Variants in PCDHGA9 observed in about 807,000 individuals in gnomAD.
The protein encoded by PCDHGA9 is protocadherin gamma subfamily A, 9, also known as protocadherin gamma-A9.
A neutral mutation model predicts 62.5 loss-of-function variants in PCDHGA9; 37 were observed. The observed-to-expected ratio is 0.59, with a 90% CI of 0.46 to 0.78. The LOEUF (loss-of-function observed/expected upper bound fraction) is 0.78, where lower values mean the gene tolerates loss of function less well. Ranked by LOEUF, PCDHGA9 falls within the 30% of genes least tolerant of loss-of-function variation. The pLI is 0.00. For missense variants in PCDHGA9, 1,138 were observed against 1,166.2 expected, an observed-to-expected ratio of 0.98 and a Z score of 0.35; for synonymous variants, 459 against 484.6, an observed-to-expected ratio of 0.95 and a Z score of 0.69.
Position 141,404,560 on chromosome 5 carries a change from C to G in PCDHGA9, c.1608C>G (p.Asp536Glu). 6.2e-7 allele frequency: 1 copy of G among 1,613,578 alleles called. No homozygotes were observed. Among genetic ancestry groups the G allele is most frequent in the South Asian group, 1.1e-5 (1 of 91,068 alleles). ...RDLQMQVTAS[D>E]SGSPPLSSNV... is the part of the protein sequence containing the mutation. ...TGCAAATGCAGGTGACGGCAAGTGA[C>G]AGTGGAAGCCCACCACTTAGCAGCA... Residue 536 changes from aspartate (D) to glutamate (E), a missense_variant, in exon 1 of 4, where the codon GAC becomes GAG. By Grantham distance (45) the Asp-to-Glu change is conservative (BLOSUM62 2). Coordinates refer to ENST00000573521, the MANE Select transcript of PCDHGA9 (RefSeq NM_018921.3).
chr5:141,440,330 G>A (rs1377511406), intron 1 of PCDHGA9: 1 of 152,162 alleles, frequency 6.6e-6, no homozygotes, highest in Non-Finnish European at 1.5e-5. Context: ...ACTGGGCATG[G>A]TGGTGCAGGC....
At chr5:141,422,865 C>A in intron 1 of PCDHGA9, 6 of 1,614,244 alleles carry the variant, frequency 3.7e-6, no homozygotes, top group Non-Finnish European at 5.1e-6. Flanking sequence ...TCAGCAGCAA[C>A]GTGTCGCTGA....
Position 141,485,220 on chromosome 5 carries a change from C to T in PCDHGA9, c.2425-9587C>T. The T allele has an allele frequency of 6.2e-7, 1 of 1,614,192 alleles. No homozygotes were observed. The highest frequency in any genetic ancestry group is 8.5e-7 in the Non-Finnish European group (1 of 1,180,024). On this transcript the variant is annotated intron_variant, in intron 1 of 3. Transcript: ENST00000573521. This position sits in a 1 kb window ranked among gnomAD's most constrained non-coding sequence, Gnocchi z 5.7. ...TGGACAGAAATCTGGCGGTGGGCTA[C>T]CCTTTTGTTCCTCTTTTACCACCTG... is the stretch of plus-strand genomic sequence containing the variant.
In PCDHGA9 at chr5:141,414,051, A is replaced by G. The variant is rs747091153; in HGVS notation, c.2424+8675A>G. ...CATTCCGAAAATTACCTGACACGCA[A>G]TTGTTGAAGTTCCAACTAAACAAAT... On this transcript the variant is annotated intron_variant, in intron 1 of 3. Coordinates refer to ENST00000573521, the MANE Select transcript of PCDHGA9 (RefSeq NM_018921.3). 5.0e-6 allele frequency: 8 copies of G among 1,610,748 alleles called. No individual in the cohort carries two copies. The Admixed American group carries it at 8.4e-5, about 17-fold the overall frequency.
At position 141,418,416 on chromosome 5, in the gene PCDHGA9, C is replaced by A. The variant is rs377542164; in HGVS notation, c.2424+13040C>A. On this transcript the variant is annotated intron_variant, in intron 1 of 3. Transcript: ENST00000573521. ...TTCTCATTGGTGGAGAAAGACAATC[C>A]TGATGGTGGCAAATATCCAGAATTA... The A allele has an allele frequency of 3.7e-6, 6 of 1,613,866 alleles. No individual in the cohort carries two copies. The African/African-American group carries it at 8.0e-5, about 22-fold the overall frequency.
chr5:141,420,042 A>T, intron 1 of PCDHGA9: 2 of 1,614,048 alleles, frequency 1.2e-6, no homozygotes, highest in Non-Finnish European at 8.5e-7. Context: ...GACTGCTTTG[A>T]GTCAGTTCTC....
chr5:141,475,821 G>T, intron 1 of PCDHGA9: 1 of 352,534 alleles, frequency 2.8e-6, no homozygotes, highest in Non-Finnish European at 5.1e-6. Context: ...AGTTCCTGGC[G>T]CTAGCGCGTG....
chr5:141,419,006 A>G (rs2096312225), intron 1 of PCDHGA9: 1 of 1,614,006 alleles, frequency 6.2e-7, no homozygotes. Context: ...TGGGGAAGTC[A>G]GGTGTAGCTT....
In PCDHGA9 at chr5:141,477,928, C is replaced by T; in HGVS notation, c.2425-16879C>T. On this transcript the variant is annotated intron_variant, in intron 1 of 3. Coordinates refer to ENST00000573521, the MANE Select transcript of PCDHGA9 (RefSeq NM_018921.3). This position sits in a 1 kb window ranked among gnomAD's most constrained non-coding sequence, Gnocchi z 4.9. ...GGGACGCGGATGCAGGGCACAATGC[C>T]TGGCTCTCCTACAGTCTCTTGGGAT... The T allele has an allele frequency of 6.2e-7, 1 of 1,614,186 alleles. No individual in the cohort carries two copies.
intron 1 of PCDHGA9, among the ~76,000 whole-genome samples, chr5:141,480,976 T>G (rs1485868136): frequency 6.6e-6 from 1 of 152,108 alleles, no homozygotes; most frequent in Non-Finnish European, 1.5e-5. Context: ...GGAGAATCAG[T>G]GAACCCAGGA....
chr5:141,445,623 A>G (rs2098472971), intron 1 of PCDHGA9, among the ~76,000 whole-genome samples: 1 of 152,172 alleles, frequency 6.6e-6, no homozygotes, highest in South Asian at 2.1e-4. Flanking sequence ...TTTTTTTCGG[A>G]AAGTGATATT....
rs1178101439 is a variant in PCDHGA9, at chr5:141,443,790, T to C, written c.2424+38414T>C. On this transcript the variant is annotated intron_variant, in intron 1 of 3. Coordinates refer to ENST00000573521, the MANE Select transcript of PCDHGA9 (RefSeq NM_018921.3). Reference sequence around the variant, plus strand: ...AATATTACCAAAAAGACAAAAAAAATGAAAAGGAAACAGTTACCTTTGGAA... The same window carrying C: ...AATATTACCAAAAAGACAAAAAAAACGAAAAGGAAACAGTTACCTTTGGAA... Among the ~76,000 whole-genome samples, 6 of 151,950 alleles carry C rather than the reference T, an allele frequency of 3.9e-5. No homozygotes were observed. The East Asian group carries it at 1.2e-3, about 29-fold the overall frequency.
chr5:141,477,582 A>G lies in PCDHGA9; in HGVS notation c.2425-17225A>G. On this transcript the variant is annotated intron_variant, in intron 1 of 3. Transcript: ENST00000573521. This position sits in a 1 kb window ranked among gnomAD's most constrained non-coding sequence, Gnocchi z 4.9. Reference sequence around the variant, plus strand: ...GTCTGGGACCCCGACGCCCCGCAGAATGCTCGGCTTTCTTTCTTTCTCTTG... The same window carrying G: ...GTCTGGGACCCCGACGCCCCGCAGAGTGCTCGGCTTTCTTTCTTTCTCTTG... The G allele has an allele frequency of 6.2e-7, 1 of 1,614,190 alleles. No homozygotes were observed.
At chr5:141,444,752 T>C (rs1376810825) in intron 1 of PCDHGA9, among the ~76,000 whole-genome samples, 2 of 152,228 alleles carry the variant, frequency 1.3e-5, no homozygotes, top group Non-Finnish European at 2.9e-5. Context: ...CTGATATATG[T>C]AGTTCTATTT....
At chr5:141,481,943 G>C (rs1454871018) in intron 1 of PCDHGA9, among the ~76,000 whole-genome samples, 1 of 148,544 alleles carries the variant, frequency 6.7e-6, no homozygotes, top group South Asian at 2.1e-4. Context: ...AAATCAGCCA[G>C]ATGTGGTGGC....
chr5:141,499,689 CTTTTTTTT>C (rs545067566), intron 2 of PCDHGA9, among the ~76,000 whole-genome samples: 2 of 119,856 alleles, frequency 1.7e-5, no homozygotes, highest in Non-Finnish European at 3.5e-5. Flanking sequence ...TAACAGATGA[CTTTTTTTT>C]TTTTTTTTTT....
rs9324852 is a variant in PCDHGA9, at chr5:141,510,333, C to T, written c.2573-614C>T. On this transcript the variant is annotated intron_variant, in intron 3 of 3. Coordinates refer to ENST00000573521, the MANE Select transcript of PCDHGA9 (RefSeq NM_018921.3). ...AGGCTTGGAAGAGCACTCTTCACCC[C>T]CACCCCACACACTTACTAACGGAAC... Among the ~76,000 whole-genome samples the T allele has an allele frequency of 2.4e-3, 367 of 151,698 alleles. 1 individual carries two copies. Among genetic ancestry groups the T allele is most frequent in the African/African-American group, 8.4e-3 (348 of 41,384 alleles).
At chr5:141,458,413 G>A (rs138479316) in intron 1 of PCDHGA9, among the ~76,000 whole-genome samples, 1 of 152,196 alleles carries the variant, frequency 6.6e-6, no homozygotes, top group East Asian at 1.9e-4. Context: ...CGGAGCGGGG[G>A]TTCCAAAGCT....
intron 1 of PCDHGA9, chr5:141,422,145 G>A: frequency 1.3e-6 from 2 of 1,580,726 alleles, no homozygotes; most frequent in Non-Finnish European, 8.6e-7. Context: ...AAGTACGGGG[G>A]TCTCTGGATT....
Sources: allele counts gnomAD v4.1 joint callset (sites outside exome capture counted in the v4.1 genomes callset), GRCh38; gene constraint gnomAD v4.1.1; non-coding constraint Gnocchi (gnomAD v3.1); transcripts MANE v1.5; gene names NCBI Gene and HGNC (gene_info 2026-07-23, HGNC 2026-07-21).